The following SGTB variants were observed in gnomAD, a reference collection of about 807,000 sequenced individuals.
SGTB encodes small glutamine rich tetratricopeptide repeat co-chaperone beta, also known as small glutamine-rich tetratricopeptide repeat-containing protein beta.
Under a neutral mutation model 43.9 loss-of-function variants are expected in SGTB, and 19 were observed. The ratio of observed to expected loss-of-function variants is 0.43; its 90% CI spans 0.30 to 0.63. The LOEUF (loss-of-function observed/expected upper bound fraction) is 0.63. Ranked by LOEUF, SGTB falls within the 30% of genes least tolerant of loss-of-function variation. The probability of loss-of-function intolerance (pLI) is 0.12; values close to 1 mark genes in which losing one functional copy is unlikely to be tolerated. For missense variants in SGTB, 304 were observed against 358.9 expected (o/e 0.85, Z 1.24); for synonymous variants, 116 against 117.3 (o/e 0.99, Z 0.07).
At chr5:65,706,112 T>C (rs1170244275) in intron 4 of SGTB, among the ~76,000 whole-genome samples, 1 of 152,204 alleles carries the variant, frequency 6.6e-6, no homozygotes, top group Non-Finnish European at 1.5e-5. Context: ...ACTAATGCAT[T>C]GTACCCTTTA....
At chr5:65,704,966 G>A (rs1757900773) in intron 4 of SGTB, among the ~76,000 whole-genome samples, 1 of 152,222 alleles carries the variant, frequency 6.6e-6, no homozygotes, top group South Asian at 2.1e-4. Flanking sequence ...TTTCTAGAAA[G>A]AGAATTTCAG....
At chr5:65,684,186 G>A (rs887407635) in intron 6 of SGTB, among the ~76,000 whole-genome samples, 29 of 151,872 alleles carry the variant, frequency 1.9e-4, no homozygotes, top group African/African-American at 6.5e-4. Context: ...CCAGACTCAA[G>A]CAATCTTCTC....
intron 2 of SGTB, among the ~76,000 whole-genome samples, chr5:65,713,634 T>C (rs1758090743): frequency 6.6e-6 from 1 of 152,186 alleles, no homozygotes; most frequent in Non-Finnish European, 1.5e-5. Context: ...GGATTTCTTA[T>C]TCCTCACTTA....
At chr5:65,717,005 A>G (rs1472821744) in intron 2 of SGTB, among the ~76,000 whole-genome samples, 1 of 151,892 alleles carries the variant, frequency 6.6e-6, no homozygotes, top group Admixed American at 6.6e-5. Flanking sequence ...CCAAGAAAGT[A>G]TGAGGTATCC....
upstream of SGTB, chr5:65,722,418 C>G: frequency 3.1e-6 from 5 of 1,587,710 alleles, no homozygotes; most frequent in Non-Finnish European, 4.3e-6. Flanking sequence ...TCCGCAGGTA[C>G]CTCCAGCGCG....
intron 5 of SGTB, among the ~76,000 whole-genome samples, chr5:65,702,816 A>G (rs746002130): frequency 4.6e-5 from 7 of 152,230 alleles, no homozygotes; most frequent in Non-Finnish European, 1.0e-4. Flanking sequence ...ACAAATAAAA[A>G]TGGCCAACAT....
At chr5:65,722,120 G>A, upstream of SGTB, 1 of 183,380 alleles carries the variant, frequency 5.5e-6, no homozygotes, top group Non-Finnish European at 1.1e-5. Context: ...GGCCAGCACC[G>A]CCCCTGGGGC....
intron 8 of SGTB, among the ~76,000 whole-genome samples, chr5:65,675,084 A>T: frequency 6.6e-6 from 1 of 152,236 alleles, no homozygotes; most frequent in East Asian, 1.9e-4. Flanking sequence ...CATCCAAAGT[A>T]TACAGTCACC....
intron 3 of SGTB, among the ~76,000 whole-genome samples, chr5:65,710,680 G>C (rs1215305900): frequency 1.3e-5 from 2 of 152,112 alleles, no homozygotes; most frequent in East Asian, 3.9e-4. Context: ...TGAAGCCATA[G>C]CTGTAAAATA....
At chr5:65,703,242 C>T (rs765734379) in intron 5 of SGTB, among the ~76,000 whole-genome samples, 1 of 152,068 alleles carries the variant, frequency 6.6e-6, no homozygotes, top group Admixed American at 6.6e-5. Context: ...CAAAAATAAC[C>T]CTTGCTGAGT....
chr5:65,666,144 C>T lies in SGTB; in HGVS notation c.*4102G>A, dbSNP rs1438530568. ...TATTTTATAGCCACTGCATTGGATA[C>T]TTGGATTGTTTTTCAAGCATCTTCT... On this transcript the variant is annotated 3_prime_UTR_variant, in exon 11 of 11. Transcript: ENST00000381007. 6 of 152,512 alleles carry T rather than the reference C, an allele frequency of 3.9e-5. No individual in the cohort carries two copies. The highest frequency in any genetic ancestry group is 1.5e-5 in the Non-Finnish European group (1 of 67,976). 9.4% of individuals were successfully genotyped at this position (152,512 alleles called of 1,614,324 possible).
intron 5 of SGTB, among the ~76,000 whole-genome samples, chr5:65,693,050 C>A (rs1408324944): frequency 6.6e-6 from 1 of 152,066 alleles, no homozygotes; most frequent in East Asian, 1.9e-4. Flanking sequence ...ACTAAAAATA[C>A]AAAAATTAGC....
chr5:65,720,956 G>C, intron 1 of SGTB, 127 bp from the exon 2 acceptor site: 1 of 935,496 alleles, frequency 1.1e-6, no homozygotes, highest in Non-Finnish European at 1.5e-6. Context: ...AAAACTGTAT[G>C]ACCTTTCATC....
intron 6 of SGTB, among the ~76,000 whole-genome samples, chr5:65,683,231 G>A (rs138405485): frequency 1.3e-5 from 2 of 151,734 alleles, no homozygotes; most frequent in Non-Finnish European, 1.5e-5. Context: ...AAAAAATGTA[G>A]CACTAAATAG....
At chr5:65,719,819 C>T (rs939852304) in intron 2 of SGTB, among the ~76,000 whole-genome samples, 1 of 152,134 alleles carries the variant, frequency 6.6e-6, no homozygotes, top group African/African-American at 2.4e-5. Context: ...TTAAAGTTAA[C>T]GTAAAACACA....
intron 2 of SGTB, among the ~76,000 whole-genome samples, chr5:65,720,086 T>C (rs939801275): frequency 6.2e-5 from 9 of 145,092 alleles, no homozygotes; most frequent in Non-Finnish European, 1.1e-4. Context: ...TTTTTCTTTT[T>C]TTTTTTTTTT....
intron 2 of SGTB, 136 bp downstream of exon 2, chr5:65,720,572 T>G: frequency 2.2e-6 from 2 of 915,672 alleles, no homozygotes; most frequent in Non-Finnish European, 3.1e-6. Context: ...ACGATAACCT[T>G]ATAGTCAGGC....
At chr5:65,706,930 C>A (rs1031741540) in intron 4 of SGTB, among the ~76,000 whole-genome samples, 2 of 151,936 alleles carry the variant, frequency 1.3e-5, no homozygotes, top group African/African-American at 4.8e-5. Flanking sequence ...GTAAGACATG[C>A]TCAAACAGTA....
chr5:65,711,868 T>C (rs1489764427), intron 3 of SGTB, among the ~76,000 whole-genome samples: 5 of 152,170 alleles, frequency 3.3e-5, no homozygotes, highest in African/African-American at 1.2e-4. Context: ...TGTTTCAGCT[T>C]CACTCCAGAA....
Sources: allele counts gnomAD v4.1 joint callset (sites outside exome capture counted in the v4.1 genomes callset), GRCh38; gene constraint gnomAD v4.1.1; transcripts MANE v1.5; gene names NCBI Gene and HGNC (gene_info 2026-07-23, HGNC 2026-07-21).